SOS1: variants seen among roughly 807,000 people sequenced by gnomAD.
SOS1 encodes son of sevenless homolog 1.
In SOS1, 25 loss-of-function variants were observed where a neutral mutation model predicts 157.6. That is an observed-to-expected ratio of 0.16 (90% CI 0.12 to 0.22). SOS1 has a LOEUF of 0.22. SOS1 is among the 10% of genes least tolerant of loss of function. The pLI, the probability that SOS1 is intolerant of heterozygous loss-of-function variation, is 1.00. For synonymous variants in SOS1, 528 were observed against 534.0 expected, an observed-to-expected ratio of 0.99 and a Z score of 0.16; for missense variants, 1,237 against 1,599.1, an observed-to-expected ratio of 0.77 and a Z score of 3.86.
At chr2:39,078,428 G>A (rs1309268342) in intron 1 of SOS1, among the ~76,000 whole-genome samples, 1 of 152,108 alleles carries the variant, frequency 6.6e-6, no homozygotes, top group Non-Finnish European at 1.5e-5. Context: ...TTATGATCCA[G>A]CAATTCTACT....
At chr2:39,106,578 G>C (rs1470452583) in intron 1 of SOS1, among the ~76,000 whole-genome samples, 1 of 124,024 alleles carries the variant, frequency 8.1e-6, no homozygotes, top group South Asian at 2.6e-4. Flanking sequence ...GCGACAGAGC[G>C]AGACTCCGTC....
chr2:39,030,476 GAGA>G (rs1670120884), intron 8 of SOS1, among the ~76,000 whole-genome samples: 1 of 151,738 alleles, frequency 6.6e-6, no homozygotes, highest in Non-Finnish European at 1.5e-5. Context: ...AGGCTGAGAT[GAGA>G]AGATTGTTTG....
At chr2:38,998,543 G>C (rs148877935) in intron 17 of SOS1, among the ~76,000 whole-genome samples, 1 of 152,242 alleles carries the variant, frequency 6.6e-6, no homozygotes, top group East Asian at 1.9e-4. Context: ...GAGTCACCGC[G>C]AGCAGCCTGT....
In SOS1 at chr2:39,069,005, T is replaced by A. The variant is rs569487371; in HGVS notation, c.88-1252A>T. Among the ~76,000 whole-genome samples the A allele has an allele frequency of 2.0e-5, 3 of 152,012 alleles. No individual in the cohort carries two copies. In the East Asian group the frequency reaches 5.8e-4, roughly 29 times the overall value. On this transcript the variant is annotated intron_variant, in intron 1 of 22. Transcript: ENST00000402219. ...GTATGGCCTGTCCTACTACACTTCA[T>A]TAGCTGAGAGGGTGTGACAGCCTCA...
intron 14 of SOS1, among the ~76,000 whole-genome samples, chr2:39,011,520 T>TA (rs1669472955): frequency 6.6e-6 from 1 of 152,106 alleles, no homozygotes; most frequent in Non-Finnish European, 1.5e-5. Context: ...TTTTCAGAAA[T>TA]ACGATTTTCA....
At chr2:39,107,677 A>AC (rs1376640841) in intron 1 of SOS1, among the ~76,000 whole-genome samples, 1 of 152,046 alleles carries the variant, frequency 6.6e-6, no homozygotes, top group African/African-American at 2.4e-5. Context: ...AAAAAAAAAA[A>AC]AAAACCTAGC....
chr2:39,096,182 CTAGAGA>C (rs970580069), intron 1 of SOS1, among the ~76,000 whole-genome samples: 6 of 152,160 alleles, frequency 3.9e-5, no homozygotes, highest in Non-Finnish European at 7.4e-5. Flanking sequence ...GCAGACTTGG[CTAGAGA>C]TAAAGTTTTT....
chr2:39,124,607 TG>T (rs1271192091), upstream of SOS1, among the ~76,000 whole-genome samples: 1 of 152,260 alleles, frequency 6.6e-6, no homozygotes, highest in Non-Finnish European at 1.5e-5. Flanking sequence ...CCTGGTTCTC[TG>T]CCTTGCTGCA....
chr2:39,042,562 C>A (rs1210322775), intron 6 of SOS1, among the ~76,000 whole-genome samples: 1 of 151,928 alleles, frequency 6.6e-6, no homozygotes, highest in Non-Finnish European at 1.5e-5. Flanking sequence ...CGCCACTACG[C>A]CCAGCTAATT....
intron 6 of SOS1, among the ~76,000 whole-genome samples, chr2:39,046,013 A>G (rs1309925712): frequency 6.6e-6 from 1 of 152,210 alleles, no homozygotes; most frequent in Admixed American, 6.5e-5. Context: ...CGCCAGGCCT[A>G]AAGTGAATTT....
intron 15 of SOS1, among the ~76,000 whole-genome samples, chr2:39,009,931 A>G (rs759929474): frequency 1.3e-5 from 2 of 152,230 alleles, no homozygotes; most frequent in Non-Finnish European, 2.9e-5. Context: ...AAAACATTCA[A>G]TATTTTCTAA....
In SOS1 at chr2:39,014,909, T is replaced by G. The variant is rs56306309; in HGVS notation, c.1859-63A>C. ...TGATTCAAAATGATTAAAACTGTTA[T>G]GTACATTTTCAAAATAGATCAAATA... On this transcript the variant is annotated intron_variant, in intron 10 of 22. Coordinates refer to ENST00000402219, the MANE Select transcript of SOS1 (RefSeq NM_005633.4). 805 of 936,838 alleles carry G rather than the reference T, an allele frequency of 8.6e-4. 13 individuals are homozygous for G. The East Asian group carries it at 0.019, about 22-fold the overall frequency. 58.0% of individuals were successfully genotyped at this position (936,838 alleles called of 1,614,324 possible). A position where few individuals can be genotyped will look rare whatever the true frequency, so the allele number is the denominator to read the frequency against.
chr2:39,060,568 G>A (rs762098592), intron 2 of SOS1, among the ~76,000 whole-genome samples: 5 of 152,160 alleles, frequency 3.3e-5, no homozygotes, highest in Non-Finnish European at 7.4e-5. Flanking sequence ...TGGCATTACA[G>A]GCGTGTGCTA....
rs1471084016 is a variant in SOS1 at position 39,120,467 on chromosome 2, C to A, written c.-45G>T. 3 of 1,519,456 alleles carry A rather than the reference C, an allele frequency of 2.0e-6. No individual in the cohort carries two copies. In the African/African-American group the frequency reaches 4.3e-5, roughly 22 times the overall value. The allele number at this position is 1,519,456 out of a possible 1,614,324, so 94.1% of individuals were successfully genotyped here. A position where few individuals can be genotyped will look rare whatever the true frequency, so the allele number is the denominator to read the frequency against. ...TGGGCGGGGAGAGGGGCGGCGGCGG[C>A]CGGGCCAGGGAGCCGCGAGAGGGCG... On this transcript the variant is annotated 5_prime_UTR_variant, in exon 1 of 23. Coordinates refer to ENST00000402219, the MANE Select transcript of SOS1 (RefSeq NM_005633.4).
At chr2:38,997,982 T>C (rs1464177203) in intron 17 of SOS1, among the ~76,000 whole-genome samples, 2 of 152,156 alleles carry the variant, frequency 1.3e-5, no homozygotes, top group Admixed American at 1.3e-4. Flanking sequence ...GTAGTACTAT[T>C]TGGATAGGCT....
rs56167201 is a variant in SOS1 at position 38,989,147 on chromosome 2, G to C, written c.3391+123C>G. ...AGCACAAGTGAAGGCCTCACTTCTAGGATGTTGCAAGCAAGGTACCAATGC... is the reference window on the plus strand; with the variant it reads ...AGCACAAGTGAAGGCCTCACTTCTACGATGTTGCAAGCAAGGTACCAATGC... On this transcript the variant is annotated intron_variant, in intron 21 of 22. Coordinates refer to ENST00000402219, the MANE Select transcript of SOS1 (RefSeq NM_005633.4). 118 of 714,866 alleles carry C rather than the reference G, an allele frequency of 1.7e-4. No individual in the cohort carries two copies. In the East Asian group the frequency reaches 3.1e-3, roughly 19 times the overall value. The allele number at this position is 714,866 out of a possible 1,614,324, so 44.3% of individuals were successfully genotyped here.
chr2:39,105,029 TA>T (rs1188573761), intron 1 of SOS1, among the ~76,000 whole-genome samples: 5 of 151,494 alleles, frequency 3.3e-5, no homozygotes, highest in Non-Finnish European at 5.9e-5. Context: ...TTCACCACAA[TA>T]AAAAAAATCA....
intron 1 of SOS1, among the ~76,000 whole-genome samples, chr2:39,076,851 T>C (rs1672022017): frequency 6.6e-6 from 1 of 152,190 alleles, no homozygotes; most frequent in East Asian, 1.9e-4. Flanking sequence ...GTAATATAAT[T>C]ATTCTAATTG....
intron 6 of SOS1, among the ~76,000 whole-genome samples, chr2:39,040,470 T>C (rs1276742579): frequency 6.6e-6 from 1 of 152,184 alleles, no homozygotes; most frequent in African/African-American, 2.4e-5. Context: ...TCTGTATCCA[T>C]TAAACAGTAA....
Sources: allele counts gnomAD v4.1 joint callset (sites outside exome capture counted in the v4.1 genomes callset), GRCh38; gene constraint gnomAD v4.1.1; transcripts MANE v1.5; gene names NCBI Gene and HGNC (gene_info 2026-07-23, HGNC 2026-07-21).